The following CNTN5 variants were observed in gnomAD, a reference collection of about 807,000 sequenced individuals.
The protein encoded by CNTN5 is contactin-5.
In CNTN5, 77 loss-of-function variants were observed where a neutral mutation model predicts 129.1. The ratio of observed to expected loss-of-function variants is 0.60; its 90% CI spans 0.50 to 0.72. The LOEUF (loss-of-function observed/expected upper bound fraction) is 0.72, where lower values mean the gene tolerates loss of function less well. CNTN5 is among the 30% of genes least tolerant of loss of function. CNTN5 has a pLI of 0.00. For synonymous variants in CNTN5, 509 were observed against 465.6 expected (o/e 1.09, Z -1.20); for missense variants, 1,478 against 1,328.8 (o/e 1.11, Z -1.75).
At chr11:100,244,189 T>C (rs980602017) in intron 16 of CNTN5, among the ~76,000 whole-genome samples, 2 of 152,176 alleles carry the variant, frequency 1.3e-5, no homozygotes, top group Admixed American at 6.6e-5. Flanking sequence ...TGATCAAACT[T>C]AAGCCATCAG....
At chr11:99,999,821 G>A (rs61909175) in intron 8 of CNTN5, among the ~76,000 whole-genome samples, 25,159 of 151,738 alleles carry the variant, frequency 0.17, 2,155 homozygotes, top group East Asian at 0.18. Flanking sequence ...GGAATACTAC[G>A]CAGCCATAAA....
chr11:99,804,456 C>G (rs1329340067), intron 3 of CNTN5, among the ~76,000 whole-genome samples: 1 of 151,662 alleles, frequency 6.6e-6, no homozygotes, highest in Non-Finnish European at 1.5e-5. Flanking sequence ...TAACTTTATA[C>G]TGAACATGTC....
chr11:99,102,694 G>A (rs1743954410), intron 1 of CNTN5, among the ~76,000 whole-genome samples: 1 of 152,014 alleles, frequency 6.6e-6, no homozygotes, highest in Non-Finnish European at 1.5e-5. Flanking sequence ...TGTCTATATC[G>A]TTATCAGCAT....
At chr11:99,945,778 T>C (rs907694495) in intron 7 of CNTN5, among the ~76,000 whole-genome samples, 1 of 152,024 alleles carries the variant, frequency 6.6e-6, no homozygotes, top group Non-Finnish European at 1.5e-5. Flanking sequence ...CCACATTACC[T>C]TACACGCTCA....
At chr11:99,133,840 A>G (rs1859082015) in intron 1 of CNTN5, among the ~76,000 whole-genome samples, 1 of 152,172 alleles carries the variant, frequency 6.6e-6, no homozygotes. Flanking sequence ...ATTGTGGAAG[A>G]CAATGTGGTG....
chr11:99,314,518 T>A (rs1168397107), intron 1 of CNTN5, among the ~76,000 whole-genome samples: 1 of 151,946 alleles, frequency 6.6e-6, no homozygotes, highest in Non-Finnish European at 1.5e-5. Context: ...CATTAAATAG[T>A]GAGAGATTTT....
chr11:99,852,024 A>G (rs750659911), intron 6 of CNTN5, among the ~76,000 whole-genome samples: 2 of 152,190 alleles, frequency 1.3e-5, no homozygotes, highest in African/African-American at 2.4e-5. Flanking sequence ...GCCTATAATA[A>G]CTTTATTAAA....
intron 13 of CNTN5, among the ~76,000 whole-genome samples, chr11:100,187,661 CAA>C (rs1948343425): frequency 6.6e-6 from 1 of 152,028 alleles, no homozygotes; most frequent in Non-Finnish European, 1.5e-5. Flanking sequence ...GTCATCTTAC[CAA>C]AGTTGACAAA....
At chr11:99,267,917 C>T (rs1862979021) in intron 1 of CNTN5, among the ~76,000 whole-genome samples, 1 of 101,976 alleles carries the variant, frequency 9.8e-6, no homozygotes, top group African/African-American at 4.3e-5. Context: ...CACACACACA[C>T]ACGCACACAC....
intron 3 of CNTN5, among the ~76,000 whole-genome samples, chr11:99,733,983 C>G (rs752166873): frequency 2.6e-5 from 4 of 152,146 alleles, no homozygotes; most frequent in Non-Finnish European, 5.9e-5. Context: ...AAGGAGGCCC[C>G]AGAGTTCTCA....
At chr11:99,054,498 G>A (rs1864553060) in intron 1 of CNTN5, among the ~76,000 whole-genome samples, 1 of 151,890 alleles carries the variant, frequency 6.6e-6, no homozygotes. Flanking sequence ...GAAGAACATA[G>A]GCAGAGTTAA....
At chr11:100,162,916 T>A (rs1158026859) in intron 13 of CNTN5, among the ~76,000 whole-genome samples, 1 of 151,852 alleles carries the variant, frequency 6.6e-6, no homozygotes, top group East Asian at 1.9e-4. Flanking sequence ...GAGTACCAGA[T>A]AACTCAATTC....
chr11:99,510,002 T>A lies in CNTN5; in HGVS notation c.-70-46143T>A, dbSNP rs183773271. Among the ~76,000 whole-genome samples the A allele has an allele frequency of 5.0e-3, 760 of 151,188 alleles. 5 individuals carry two copies. Among genetic ancestry groups the A allele is most frequent in the Non-Finnish European group, 4.7e-3 (317 of 67,710 alleles). ...GCTTAATCTCTCTTTGCCTCAATTT[T>A]AAAAAAAATGTAAATGAAAATTAAA... On this transcript the variant is annotated intron_variant, in intron 2 of 24. Transcript: ENST00000524871.
chr11:100,017,893 A>G (rs1388317771), intron 9 of CNTN5, among the ~76,000 whole-genome samples: 6 of 151,980 alleles, frequency 3.9e-5, no homozygotes, highest in Admixed American at 2.6e-4. Flanking sequence ...TTTATTGACT[A>G]TGTGTTACAA....
chr11:100,023,649 G>T (rs925369931), intron 9 of CNTN5, among the ~76,000 whole-genome samples: 4 of 151,986 alleles, frequency 2.6e-5, no homozygotes, highest in Non-Finnish European at 5.9e-5. Context: ...AAATCTTCTG[G>T]GTTCCATCTA....
intron 13 of CNTN5, among the ~76,000 whole-genome samples, chr11:100,122,046 C>A (rs1946042083): frequency 6.6e-6 from 1 of 151,908 alleles, no homozygotes; most frequent in Non-Finnish European, 1.5e-5. Context: ...ATTAGGGGAA[C>A]TGGTTCATGA....
intron 3 of CNTN5, among the ~76,000 whole-genome samples, chr11:99,703,688 T>C (rs1395709668): frequency 6.6e-6 from 1 of 150,978 alleles, no homozygotes; most frequent in Non-Finnish European, 1.5e-5. Flanking sequence ...CAGACATATC[T>C]AATGACATGT....
intron 15 of CNTN5, among the ~76,000 whole-genome samples, chr11:100,203,275 A>G (rs1302813120): frequency 6.6e-6 from 1 of 151,918 alleles, no homozygotes; most frequent in Non-Finnish European, 1.5e-5. Context: ...CAATTGTTTC[A>G]TTTTATGGTA....
chr11:100,252,178 C>A (rs926652283), intron 16 of CNTN5, among the ~76,000 whole-genome samples: 6 of 152,038 alleles, frequency 3.9e-5, no homozygotes, highest in Admixed American at 6.6e-5. Context: ...TGATGCTGAC[C>A]ATTTCTTTCA....
Sources: gnomAD v4.1 joint callset for allele counts (sites outside exome capture counted in the v4.1 genomes callset) on GRCh38, gnomAD v4.1.1 for gene constraint, MANE v1.5 for transcripts, NCBI Gene and HGNC (gene_info 2026-07-23, HGNC 2026-07-21) for gene names.